The following NDST3 variants were observed in gnomAD, a reference collection of about 807,000 sequenced individuals.
NDST3 encodes N-deacetylase and N-sulfotransferase 3.
NDST3 carries 58 observed loss-of-function variants against 96.1 expected under a neutral mutation model. The observed-to-expected ratio is 0.60, with a 90% CI of 0.49 to 0.75. NDST3 has a LOEUF of 0.75. NDST3 is among the 30% of genes least tolerant of loss of function. The pLI is 0.00. For synonymous variants in NDST3, 333 were observed against 359.7 expected (o/e 0.93, Z 0.84); for missense variants, 788 against 1,034.2 (o/e 0.76, Z 3.27).
chr4:118,127,116 T>A (rs1479998962), intron 4 of NDST3, among the ~76,000 whole-genome samples: 1 of 152,100 alleles, frequency 6.6e-6, no homozygotes, highest in African/African-American at 2.4e-5. Flanking sequence ...ATGGGGAGTT[T>A]GCAAATATTT....
intron 6 of NDST3, among the ~76,000 whole-genome samples, chr4:118,185,410 C>T (rs1386641785): frequency 6.7e-6 from 1 of 150,298 alleles, no homozygotes; most frequent in Non-Finnish European, 1.5e-5. Context: ...TAAATTAAAG[C>T]CAATAAGTAT....
At chr4:118,060,561 C>G (rs1322656106) in intron 2 of NDST3, among the ~76,000 whole-genome samples, 1 of 152,080 alleles carries the variant, frequency 6.6e-6, no homozygotes, top group African/African-American at 2.4e-5. Flanking sequence ...ATTGGATTAT[C>G]AATGTATATG....
chr4:118,193,712 A>G, intron 6 of NDST3: 4 of 1,291,460 alleles, frequency 3.1e-6, no homozygotes, highest in Non-Finnish European at 4.5e-6. Context: ...TCCCCAATGG[A>G]AGAGGCCCTT....
At chr4:118,224,300 CTGA>C (rs1560728681) in intron 6 of NDST3, among the ~76,000 whole-genome samples, 188 bp from the exon 7 acceptor site, 1 of 151,998 alleles carries the variant, frequency 6.6e-6, no homozygotes, top group Non-Finnish European at 1.5e-5. Context: ...TCAAGTCTTG[CTGA>C]TAACACATCC....
rs1742165043 is a variant in NDST3, at chr4:118,257,075, G to C, written c.*1363G>C. The C allele has an allele frequency of 6.6e-6, 1 of 151,816 alleles. No homozygotes were observed. The highest frequency in any genetic ancestry group is 1.5e-5 in the Non-Finnish European group (1 of 67,958). The allele number at this position is 151,816 out of a possible 1,614,324, so 9.4% of individuals were successfully genotyped here. A position where few individuals can be genotyped will look rare whatever the true frequency, so the allele number is the denominator to read the frequency against. On this transcript the variant is annotated 3_prime_UTR_variant, in exon 14 of 14. Coordinates refer to ENST00000296499, the MANE Select transcript of NDST3 (RefSeq NM_004784.3). ...ATTTCAATTGTAAATAATATATATG[G>C]TTAATAAAGTTTCCAAAAAAGAAAA...
intron 6 of NDST3, among the ~76,000 whole-genome samples, chr4:118,174,867 CCTT>C (rs1282203995): frequency 6.6e-6 from 1 of 152,082 alleles, no homozygotes. Context: ...TCTGTGACTG[CCTT>C]CTTGCCTGCC....
rs542302575 is a variant in NDST3, at chr4:118,170,677, C to T, written c.1539+26993C>T. ...CCGGGTGGTGGAGATTGCAGTGAGCCGAGATCGCACCACTGCACTCCAGCC... is the reference window on the plus strand; with the variant it reads ...CCGGGTGGTGGAGATTGCAGTGAGCTGAGATCGCACCACTGCACTCCAGCC... On this transcript the variant is annotated intron_variant, in intron 6 of 13. Coordinates refer to ENST00000296499, the MANE Select transcript of NDST3 (RefSeq NM_004784.3). Among the ~76,000 whole-genome samples, 9 of 151,874 alleles carry T rather than the reference C, an allele frequency of 5.9e-5. No individual in the cohort carries two copies. The East Asian group carries it at 1.5e-3, about 26-fold the overall frequency.
At chr4:118,191,931 T>C (rs951010961) in intron 6 of NDST3, among the ~76,000 whole-genome samples, 2 of 152,154 alleles carry the variant, frequency 1.3e-5, no homozygotes, top group African/African-American at 4.8e-5. Context: ...TTTTCTCCAA[T>C]TCCTCACCAG....
At chr4:118,116,999 TAACCACCTAAGTGTTAAGC>T (rs1227808800) in intron 4 of NDST3, among the ~76,000 whole-genome samples, 1 of 152,240 alleles carries the variant, frequency 6.6e-6, no homozygotes, top group Non-Finnish European at 1.5e-5. Flanking sequence ...TGGTCATTCT[TAACCACCTAAGTGTTAAGC>T]AAAGCAGATT....
intron 4 of NDST3, among the ~76,000 whole-genome samples, chr4:118,118,002 C>G (rs554764341): frequency 1.3e-5 from 2 of 151,958 alleles, no homozygotes; most frequent in Non-Finnish European, 2.9e-5. Flanking sequence ...TGGAGGGGGT[C>G]GAAGGGGTAG....
intron 8 of NDST3, among the ~76,000 whole-genome samples, chr4:118,229,253 A>ATCG (rs2125997828): frequency 6.6e-6 from 1 of 152,336 alleles, no homozygotes; most frequent in Admixed American, 6.5e-5. Flanking sequence ...GTAAGCCAAG[A>ATCG]TCGCATCACT....
At chr4:118,045,389 T>C (rs1724704475) in intron 1 of NDST3, among the ~76,000 whole-genome samples, 1 of 152,202 alleles carries the variant, frequency 6.6e-6, no homozygotes, top group Admixed American at 6.5e-5. Context: ...CTTGTCACTA[T>C]CTCTGCTTTA....
At chr4:118,051,839 C>G (rs1388679003) in intron 1 of NDST3, among the ~76,000 whole-genome samples, 1 of 151,830 alleles carries the variant, frequency 6.6e-6, no homozygotes, top group Admixed American at 6.6e-5. Context: ...AGTGAGATAT[C>G]ATCTACACCA....
In NDST3 at chr4:118,233,015, C is replaced by T. The variant is rs1273502794; in HGVS notation, c.1823C>T (p.Thr608Ile). ...TGAACCTCTATTGTCTTTCTAGGTA[C>T]CACTGCTTTGTATTTGTTCCTGGTT... is the stretch of plus-strand genomic sequence containing the variant. ...FLVIGPQKTG[T>I]TALYLFLVMH... is the part of the protein sequence containing the mutation. The change falls in exon 9 of 14, where the codon ACC becomes ATC. Residue 608 changes from threonine to isoleucine, a missense_variant. By Grantham distance (89) the Thr-to-Ile change is moderately conservative (BLOSUM62 -1). Around this residue, in one of 3 missense-constraint regions of NDST3, gnomAD observed 490 missense variants for 708.8 expected, o/e 0.69. Coordinates refer to ENST00000296499, the MANE Select transcript of NDST3 (RefSeq NM_004784.3). The T allele has an allele frequency of 6.2e-7, 1 of 1,611,230 alleles. No homozygotes were observed. Among genetic ancestry groups the T allele is most frequent in the Admixed American group, 1.7e-5 (1 of 59,884 alleles).
intron 2 of NDST3, 50 bp downstream of exon 2, chr4:118,054,941 G>A: frequency 6.3e-7 from 1 of 1,596,588 alleles, no homozygotes; most frequent in Non-Finnish European, 8.5e-7. Flanking sequence ...CTTCCAGCAG[G>A]GATACAACTA....
rs191460185 is a variant in NDST3, at chr4:118,204,333, A to G, written c.1540-20158A>G. ...AGACAAATTAAACTTCACAGAGTTT[A>G]ACTGAGCAAAGAATGATCTGTGAAT... On this transcript the variant is annotated intron_variant, in intron 6 of 13. Transcript: ENST00000296499. 2.8e-4 allele frequency among the ~76,000 whole-genome samples: 30 copies of G among 107,350 alleles called. 1 individual carries two copies. In the East Asian group the frequency reaches 6.1e-3, roughly 22 times the overall value. 70.4% of individuals were successfully genotyped at this position (107,350 alleles called of 152,430 possible).
chr4:118,081,877 T>C lies in NDST3; in HGVS notation c.982-23141T>C, dbSNP rs566982699. Among the ~76,000 whole-genome samples, 9 of 152,312 alleles carry C rather than the reference T, an allele frequency of 5.9e-5. No individual in the cohort carries two copies. In the South Asian group the frequency reaches 1.9e-3, roughly 32 times the overall value. On this transcript the variant is annotated intron_variant, in intron 2 of 13. Coordinates refer to ENST00000296499, the MANE Select transcript of NDST3 (RefSeq NM_004784.3). ...CCTGAGAATATAGATATGGAACAAT[T>C]TCCTGCAGCATTGAGCCTCAGAAGA...
intron 2 of NDST3, among the ~76,000 whole-genome samples, chr4:118,095,554 T>G (rs928608542): frequency 5.7e-5 from 7 of 123,642 alleles, no homozygotes; most frequent in South Asian, 2.4e-4. Flanking sequence ...GTACATTCTG[T>G]TTTTTTTTTT....
intron 6 of NDST3, among the ~76,000 whole-genome samples, chr4:118,204,027 A>G (rs946525359): frequency 6.6e-6 from 1 of 152,196 alleles, no homozygotes; most frequent in Non-Finnish European, 1.5e-5. Context: ...AAGCCAGTTA[A>G]TTATCAGATT....
Sources: allele counts gnomAD v4.1 joint callset (sites outside exome capture counted in the v4.1 genomes callset), GRCh38; gene constraint gnomAD v4.1.1; regional missense constraint gnomAD v4.1.1; transcripts MANE v1.5; gene names NCBI Gene and HGNC (gene_info 2026-07-23, HGNC 2026-07-21).